Variants in DCC observed in about 807,000 individuals in gnomAD.
DCC encodes netrin receptor DCC.
DCC carries 58 observed loss-of-function variants against 172.5 expected under a neutral mutation model. That is an observed-to-expected ratio of 0.34 (90% CI 0.27 to 0.42). The LOEUF (loss-of-function observed/expected upper bound fraction) is 0.42, where lower values mean the gene tolerates loss of function less well. DCC is among the 10% of genes least tolerant of loss of function. The probability of loss-of-function intolerance (pLI) is 1.00; values close to 1 mark genes in which losing one functional copy is unlikely to be tolerated. For missense variants in DCC, 1,740 were observed against 1,791.0 expected, an observed-to-expected ratio of 0.97 and a Z score of 0.51; for synonymous variants, 709 against 644.5, an observed-to-expected ratio of 1.10 and a Z score of -1.52.
intron 26 of DCC, among the ~76,000 whole-genome samples, chr18:53,498,509 A>ACAAGGAAAACTTCCTTGAAAATATTTT (rs2046054065): frequency 6.6e-6 from 1 of 151,984 alleles, no homozygotes; most frequent in Non-Finnish European, 1.5e-5. Context: ...TGTGTCATTA[A>ACAAGGAAAACTTCCTTGAAAATATTTT]CAAGGAAAAC....
At chr18:53,397,563 T>G (rs1038073987) in intron 18 of DCC, 117 bp downstream of exon 18, 25 of 1,071,932 alleles carry the variant, frequency 2.3e-5, no homozygotes, top group Middle Eastern at 2.0e-4. Flanking sequence ...TATAAAATAG[T>G]TCATCCTCTA....
chr18:53,178,475 A>T (rs894995437), intron 8 of DCC, among the ~76,000 whole-genome samples: 4 of 152,200 alleles, frequency 2.6e-5, no homozygotes, highest in Non-Finnish European at 2.9e-5. Context: ...CATACATAGA[A>T]CACTAAGCAT....
At chr18:53,091,837 ATCTATCTATCTATCAATC>A (rs1490198212) in intron 7 of DCC, among the ~76,000 whole-genome samples, 4 of 75,164 alleles carry the variant, frequency 5.3e-5, no homozygotes, top group African/African-American at 2.6e-4. Flanking sequence ...CTATCTATCT[ATCTATCTATCTATCAATC>A]TATCTATATA....
At chr18:52,568,697 C>CTTCTCATTTAGATGT in intron 1 of DCC, among the ~76,000 whole-genome samples, 2 of 152,084 alleles carry the variant, frequency 1.3e-5, no homozygotes, top group Non-Finnish European at 2.9e-5. Flanking sequence ...TACACACACA[C>CTTCTCATTTAGATGT]ACCCCCACAC....
chr18:53,425,355 C>CTTTTTTTTTTTTTTTT (rs1338640000), intron 21 of DCC, among the ~76,000 whole-genome samples: 3 of 86,490 alleles, frequency 3.5e-5, no homozygotes, highest in African/African-American at 3.5e-5. Flanking sequence ...CGTTTCTCCT[C>CTTTTTTTTTTTTTTTT]TCTTTTTTTT....
At chr18:53,166,130 C>T (rs964137105) in intron 8 of DCC, among the ~76,000 whole-genome samples, 5 of 152,170 alleles carry the variant, frequency 3.3e-5, no homozygotes, top group African/African-American at 4.8e-5. Flanking sequence ...ACTGACAGGA[C>T]TGAATAATGC....
At chr18:52,688,746 A>T (rs1186001349) in intron 1 of DCC, among the ~76,000 whole-genome samples, 1 of 152,096 alleles carries the variant, frequency 6.6e-6, no homozygotes. Flanking sequence ...ATACCATCAC[A>T]TGTTATACCT....
chr18:52,357,237 A>G (rs1984410072), intron 1 of DCC, among the ~76,000 whole-genome samples: 1 of 152,238 alleles, frequency 6.6e-6, no homozygotes, highest in Admixed American at 6.5e-5. Flanking sequence ...AAAAGAAACC[A>G]GAGCTCCTCA....
At chr18:53,235,922 G>C (rs2056196089) in intron 12 of DCC, among the ~76,000 whole-genome samples, 1 of 152,082 alleles carries the variant, frequency 6.6e-6, no homozygotes, top group Admixed American at 6.6e-5. Context: ...TGAGATCCAT[G>C]CATGGTATTT....
intron 14 of DCC, among the ~76,000 whole-genome samples, chr18:53,333,766 A>G (rs1204617114): frequency 6.6e-6 from 1 of 152,214 alleles, no homozygotes; most frequent in Admixed American, 6.5e-5. Flanking sequence ...AGTTTTCTAT[A>G]TACATGCTCA....
At chr18:53,375,286 AT>A in intron 15 of DCC, among the ~76,000 whole-genome samples, 1 of 152,220 alleles carries the variant, frequency 6.6e-6, no homozygotes, top group East Asian at 1.9e-4. Flanking sequence ...ATGCTCTGCT[AT>A]GTCTTTGATC....
At chr18:53,382,755 G>A (rs1013125010) in intron 15 of DCC, among the ~76,000 whole-genome samples, 3 of 152,102 alleles carry the variant, frequency 2.0e-5, no homozygotes, top group African/African-American at 7.2e-5. Flanking sequence ...CCCTTTTGGA[G>A]GGAAAGCAAT....
intron 5 of DCC, among the ~76,000 whole-genome samples, chr18:52,973,787 CA>C (rs1425078375): frequency 6.6e-6 from 1 of 152,154 alleles, no homozygotes; most frequent in African/African-American, 2.4e-5. Flanking sequence ...GCTAGACCTT[CA>C]GGATACTTTT....
intron 2 of DCC, among the ~76,000 whole-genome samples, chr18:52,853,711 C>A (rs1018513072): frequency 6.6e-6 from 1 of 152,182 alleles, no homozygotes; most frequent in South Asian, 2.1e-4. Context: ...TCTAATGTTT[C>A]ACTACTTCAG....
rs574346702 is a variant in DCC, at chr18:52,968,736, A to T, written c.985+43366A>T. On this transcript the variant is annotated intron_variant, in intron 5 of 28. Coordinates refer to ENST00000442544, the MANE Select transcript of DCC (RefSeq NM_005215.4). ...TAGTTCTCATGTAATTTAGCTAGGG[A>T]TACCAGATAAATACAAAATAATTTG... Among the ~76,000 whole-genome samples, 5 of 152,332 alleles carry T rather than the reference A, an allele frequency of 3.3e-5. 1 individual carries two copies. In the South Asian group the frequency reaches 1.0e-3, roughly 32 times the overall value.
At chr18:53,066,353 GTATATATATATATATATATATATATATA>G (rs10526030) in intron 7 of DCC, among the ~76,000 whole-genome samples, 187 bp downstream of exon 7, 34,279 of 95,132 alleles carry the variant, frequency 0.36, 5,112 homozygotes, top group East Asian at 0.48. Flanking sequence ...GTACATGTGT[GTATATATATATATATATATATATATATA>G]TATATATATA....
intron 1 of DCC, among the ~76,000 whole-genome samples, chr18:52,410,923 A>G (rs111228913): frequency 0.018 from 2,700 of 152,290 alleles, 78 homozygotes; most frequent in African/African-American, 0.062. Flanking sequence ...GAAAAATCTC[A>G]GTACAGTATT....
intron 1 of DCC, among the ~76,000 whole-genome samples, chr18:52,581,187 T>TTATCTTATCTATCTATCTATCTATCTATC (rs2033538763): frequency 1.4e-5 from 2 of 146,452 alleles, no homozygotes; most frequent in Non-Finnish European, 1.5e-5. Flanking sequence ...TCTATATATC[T>TTATCTTATCTATCTATCTATCTATCTATC]TATCTATCTA....
chr18:53,292,258 A>T (rs1197269591), intron 12 of DCC, among the ~76,000 whole-genome samples: 1 of 151,840 alleles, frequency 6.6e-6, no homozygotes, highest in South Asian at 2.1e-4. Context: ...ATTTTTCTTT[A>T]TTTTTCTTCC....
Sources: gnomAD v4.1 joint callset for allele counts (sites outside exome capture counted in the v4.1 genomes callset) on GRCh38, gnomAD v4.1.1 for gene constraint, MANE v1.5 for transcripts, NCBI Gene and HGNC (gene_info 2026-07-23, HGNC 2026-07-21) for gene names.